The following METAP1 variants were observed in gnomAD, a reference collection of about 807,000 sequenced individuals.
METAP1 encodes the protein methionine aminopeptidase 1.
METAP1 carries 28 observed loss-of-function variants against 53.8 expected under a neutral mutation model. The ratio of observed to expected loss-of-function variants is 0.52; its 90% CI spans 0.39 to 0.71. The LOEUF is 0.71. Among genes scored for constraint, METAP1 ranks in the 30% least tolerant of loss-of-function variants. The pLI is 0.00. For synonymous variants in METAP1, 181 were observed against 165.7 expected, an observed-to-expected ratio of 1.09 and a Z score of -0.71; for missense variants, 389 against 479.8, an observed-to-expected ratio of 0.81 and a Z score of 1.77.
At chr4:99,022,796 C>A (rs917373073) in intron 1 of METAP1, 2 of 1,597,630 alleles carry the variant, frequency 1.3e-6, no homozygotes, top group Non-Finnish European at 1.7e-6. Flanking sequence ...GCGCTTGTCA[C>A]GGAACTCCAC....
At chr4:99,023,426 T>C in intron 1 of METAP1, 2 of 906,936 alleles carry the variant, frequency 2.2e-6, no homozygotes, top group Non-Finnish European at 2.6e-6. Context: ...ATATATGTTA[T>C]ATCTTGATAC....
intron 4 of METAP1, among the ~76,000 whole-genome samples, chr4:99,037,359 C>T (rs1374485789): frequency 6.6e-6 from 1 of 151,796 alleles, no homozygotes; most frequent in Non-Finnish European, 1.5e-5. Context: ...GCTCTATGAC[C>T]TAGAAAGACC....
intron 10 of METAP1, among the ~76,000 whole-genome samples, chr4:99,059,812 A>T (rs532257130): frequency 2.0e-5 from 3 of 151,936 alleles, no homozygotes; most frequent in South Asian, 2.1e-4. Flanking sequence ...CTCTGGTTTC[A>T]ACTCCTGTCC....
At chr4:99,004,456 CACACACACACACACACACACACACACAT>C (rs1400472779) in intron 1 of METAP1, among the ~76,000 whole-genome samples, 594 of 20,542 alleles carry the variant, frequency 0.029, 6 homozygotes, top group Middle Eastern at 0.091. Flanking sequence ...TACACACACA[CACACACACACACACACACACACACACAT>C]ACACACACAC....
intron 2 of METAP1, among the ~76,000 whole-genome samples, chr4:99,029,716 T>C (rs1371655134): frequency 6.6e-6 from 1 of 152,182 alleles, no homozygotes; most frequent in Non-Finnish European, 1.5e-5. Context: ...CTTGGTGTCT[T>C]ATATTCATCT....
At chr4:99,024,051 A>T (rs1181784923) in intron 1 of METAP1, among the ~76,000 whole-genome samples, 1 of 152,254 alleles carries the variant, frequency 6.6e-6, no homozygotes, top group African/African-American at 2.4e-5. Flanking sequence ...ACAAGCCCAC[A>T]GCCCGGCGCC....
intron 10 of METAP1, among the ~76,000 whole-genome samples, chr4:99,060,652 C>T (rs1375970836): frequency 6.6e-6 from 1 of 152,064 alleles, no homozygotes; most frequent in African/African-American, 2.4e-5. Flanking sequence ...CGTGTGCCAC[C>T]GCGCCTGGCC....
intron 2 of METAP1, among the ~76,000 whole-genome samples, chr4:99,030,922 T>C (rs1724967004): frequency 6.6e-6 from 1 of 151,978 alleles, no homozygotes; most frequent in Admixed American, 6.6e-5. Flanking sequence ...ATGGGATATA[T>C]TTCCCACTTC....
rs567461327 is a variant in METAP1 at position 98,997,968 on chromosome 4, A to G, written c.114+2101A>G. Among the ~76,000 whole-genome samples, 6 of 152,210 alleles carry G rather than the reference A, an allele frequency of 3.9e-5. 1 individual carries two copies. Among genetic ancestry groups the G allele is most frequent in the African/African-American group, 1.4e-4 (6 of 41,524 alleles). ...CCTTGCAAACAAACGCCCACAAAAA[A>G]CCCTATCAAACAAAACCTTTTGTAC... On this transcript the variant is annotated intron_variant, in intron 1 of 10. Coordinates refer to ENST00000296411, the MANE Select transcript of METAP1 (RefSeq NM_015143.3).
chr4:99,026,247 A>G, intron 1 of METAP1: 1 of 985,316 alleles, frequency 1.0e-6, no homozygotes, highest in Non-Finnish European at 1.2e-6. Flanking sequence ...AGAAAAAAGC[A>G]TGTTGTCTTG....
chr4:99,006,169 A>G (rs1407223981), intron 1 of METAP1, among the ~76,000 whole-genome samples: 1 of 152,200 alleles, frequency 6.6e-6, no homozygotes, highest in African/African-American at 2.4e-5. Flanking sequence ...GCATCAGTAC[A>G]CTTGCAAAAA....
Position 99,043,201 on chromosome 4 carries a change from A to C in METAP1, c.517-48A>C, listed in dbSNP as rs767659608. 4.4e-6 allele frequency: 6 copies of C among 1,362,552 alleles called. No homozygotes were observed. The South Asian group carries it at 8.3e-5, about 19-fold the overall frequency. 84.4% of individuals were successfully genotyped at this position (1,362,552 alleles called of 1,614,324 possible). ...CAAATTTTAAAATCTGTAATTTCATACAGATTTTTTCTTTTATATATTCCA... is the reference window on the plus strand; with the variant it reads ...CAAATTTTAAAATCTGTAATTTCATCCAGATTTTTTCTTTTATATATTCCA... On this transcript the variant is annotated intron_variant, in intron 6 of 10. Transcript: ENST00000296411.
At chr4:99,052,516 AAG>A (rs1049098064) in intron 9 of METAP1, among the ~76,000 whole-genome samples, 8 of 152,182 alleles carry the variant, frequency 5.3e-5, no homozygotes, top group Non-Finnish European at 8.8e-5. Context: ...GAGCAGGAGC[AAG>A]AGAGAGAGTG....
At chr4:99,041,605 A>G (rs1725871707) in intron 6 of METAP1, among the ~76,000 whole-genome samples, 1 of 152,084 alleles carries the variant, frequency 6.6e-6, no homozygotes. Context: ...AGACCTTAAG[A>G]CCTTATTAGA....
At chr4:99,020,768 A>G (rs928948923) in intron 1 of METAP1, among the ~76,000 whole-genome samples, 1 of 152,228 alleles carries the variant, frequency 6.6e-6, no homozygotes, top group African/African-American at 2.4e-5. Context: ...CATTCGAGCC[A>G]TATTTTGGCC....
intron 1 of METAP1, chr4:99,026,415 T>G (rs1410748087): frequency 1.0e-6 from 1 of 985,272 alleles, no homozygotes; most frequent in Non-Finnish European, 1.2e-6. Flanking sequence ...TGGACATTTT[T>G]TAGAGAAAGT....
intron 9 of METAP1, among the ~76,000 whole-genome samples, chr4:99,056,610 C>T (rs1312489488): frequency 1.3e-5 from 2 of 152,020 alleles, no homozygotes; most frequent in Admixed American, 6.6e-5. Flanking sequence ...CTTGCTCTGT[C>T]GCCCAGGCTG....
rs779727141 is a variant in METAP1, at chr4:99,045,442, T to C, written c.787+132T>C. ...GTTCTACCTGAGTTAGCTTTGGTTG[T>C]TAGCAGTAATGGGTAAAAGGATGAT... On this transcript the variant is annotated intron_variant, in intron 8 of 10. Coordinates refer to ENST00000296411, the MANE Select transcript of METAP1 (RefSeq NM_015143.3). The C allele has an allele frequency of 9.9e-6, 9 of 912,746 alleles. 1 individual carries two copies. Among genetic ancestry groups the C allele is most frequent in the Non-Finnish European group, 1.4e-5 (9 of 635,302 alleles). The allele number at this position is 912,746 out of a possible 1,614,324, so 56.5% of individuals were successfully genotyped here.
At chr4:99,006,815 T>C (rs1438607970) in intron 1 of METAP1, among the ~76,000 whole-genome samples, 1 of 152,230 alleles carries the variant, frequency 6.6e-6, no homozygotes, top group Non-Finnish European at 1.5e-5. Flanking sequence ...TGATACTAGC[T>C]TCTTGAAGAG....
Sources: gnomAD v4.1 joint callset for allele counts (sites outside exome capture counted in the v4.1 genomes callset) on GRCh38, gnomAD v4.1.1 for gene constraint, MANE v1.5 for transcripts, NCBI Gene and HGNC (gene_info 2026-07-23, HGNC 2026-07-21) for gene names.